The following UNC79 variants were observed in gnomAD, a reference collection of about 807,000 sequenced individuals.
UNC79 encodes the protein protein unc-79 homolog.
In UNC79, 37 loss-of-function variants were observed where a neutral mutation model predicts 283.1. That is an observed-to-expected ratio of 0.13 (90% CI 0.10 to 0.17). The LOEUF (loss-of-function observed/expected upper bound fraction) is 0.17, where lower values mean the gene tolerates loss of function less well. Among genes scored for constraint, UNC79 ranks in the 10% least tolerant of loss-of-function variants. The pLI is 1.00. For synonymous variants in UNC79, 1,107 were observed against 1,200.2 expected (o/e 0.92, Z 1.61); for missense variants, 2,272 against 3,211.1 (o/e 0.71, Z 7.07).
rs570204052 is a variant in UNC79, at chr14:93,618,327, A to G, written c.4360A>G (p.Ile1454Val). The G allele has an allele frequency of 2.5e-6, 4 of 1,613,478 alleles. No individual in the cohort carries two copies. In the South Asian group the frequency reaches 4.4e-5, roughly 18 times the overall value. ...ACCTTTGTACAGTGACAACAGTAAC[A>G]TAAGCAGATACAGCGAAAAAGAAAA... Residue 1454 changes from isoleucine to valine, a missense_variant, in exon 29 of 49, where the codon ATA becomes GTA. Physicochemically the swap from Ile to Val is conservative, Grantham distance 29. Coordinates refer to ENST00000555664, the Ensembl canonical transcript of UNC79.
chr14:93,511,676 A>C (rs754691217), intron 7 of UNC79, among the ~76,000 whole-genome samples: 2 of 152,022 alleles, frequency 1.3e-5, no homozygotes, highest in Non-Finnish European at 2.9e-5. Flanking sequence ...CGATCCCTTG[A>C]CCTCGTGATC....
chr14:93,368,545 G>A (rs1489758984), intron 1 of UNC79, among the ~76,000 whole-genome samples: 1 of 151,878 alleles, frequency 6.6e-6, no homozygotes. Context: ...TGATCTTGAC[G>A]CACTGCAACC....
intron 2 of UNC79, 126 bp from the exon 3 acceptor site, chr14:93,473,963 C>A: frequency 8.8e-7 from 1 of 1,137,570 alleles, no homozygotes; most frequent in Non-Finnish European, 1.2e-6. Flanking sequence ...ACCCTGCTGG[C>A]GTGGCAATTG....
intron 3 of UNC79, among the ~76,000 whole-genome samples, chr14:93,476,128 G>A (rs781478947): frequency 7.2e-5 from 11 of 152,146 alleles, no homozygotes; most frequent in African/African-American, 1.2e-4. Flanking sequence ...CTGAGGATCT[G>A]AATTTTTAGC....
intron 1 of UNC79, among the ~76,000 whole-genome samples, chr14:93,442,046 ATT>A: frequency 1.3e-5 from 2 of 152,212 alleles, no homozygotes; most frequent in South Asian, 4.1e-4. Context: ...AGTATTTTAA[ATT>A]TGTCACATCA....
At chr14:93,384,551 G>A (rs904267173) in intron 1 of UNC79, among the ~76,000 whole-genome samples, 27 of 152,160 alleles carry the variant, frequency 1.8e-4, no homozygotes, top group Non-Finnish European at 3.7e-4. Flanking sequence ...TGGATTATTA[G>A]ATGTTTTTCC....
chr14:93,405,401 T>C (rs773466371), intron 1 of UNC79, among the ~76,000 whole-genome samples: 4 of 151,878 alleles, frequency 2.6e-5, no homozygotes, highest in Non-Finnish European at 5.9e-5. Context: ...CTGACAGAAT[T>C]ACAAGGAGAA....
At chr14:93,678,012 G>T (rs1461229231) in intron 41 of UNC79, among the ~76,000 whole-genome samples, 1 of 152,062 alleles carries the variant, frequency 6.6e-6, no homozygotes, top group Non-Finnish European at 1.5e-5. Flanking sequence ...GGGTCCTCCA[G>T]GTGTTCTCTG....
At chr14:93,574,849 A>G (rs1286135633) in intron 16 of UNC79, among the ~76,000 whole-genome samples, 1 of 150,258 alleles carries the variant, frequency 6.7e-6, no homozygotes, top group Non-Finnish European at 1.5e-5. Context: ...GACCTATTGG[A>G]TGCTGGGGGT....
chr14:93,676,313 G>A (rs1163466557), intron 41 of UNC79, among the ~76,000 whole-genome samples: 2 of 152,116 alleles, frequency 1.3e-5, no homozygotes, highest in East Asian at 1.9e-4. Context: ...ACTCATCTTC[G>A]CCTCTCAAGG....
chr14:93,693,836 T>G (rs1298322458), intron 46 of UNC79, among the ~76,000 whole-genome samples: 1 of 152,184 alleles, frequency 6.6e-6, no homozygotes, highest in African/African-American at 2.4e-5. Context: ...ATTGTCTGAC[T>G]TTGTATCTGG....
At chr14:93,603,383 C>A in exon 26 of UNC79, 1 of 1,614,120 alleles carries the variant, frequency 6.2e-7, no homozygotes, top group Non-Finnish European at 8.5e-7. Context: ...TCCAAGAGGG[C>A]GCTCTCCCTC....
At chr14:93,394,209 T>C (rs1032803652) in intron 1 of UNC79, among the ~76,000 whole-genome samples, 1 of 152,142 alleles carries the variant, frequency 6.6e-6, no homozygotes, top group East Asian at 1.9e-4. Context: ...CCCACTGATG[T>C]TTCACACACA....
intron 1 of UNC79, among the ~76,000 whole-genome samples, chr14:93,404,131 T>C (rs1002630139): frequency 1.3e-5 from 2 of 152,096 alleles, no homozygotes; most frequent in Non-Finnish European, 2.9e-5. Context: ...AATTAGCTGT[T>C]GACCAAGAGA....
At chr14:93,525,290 C>T (rs555406914) in intron 8 of UNC79, among the ~76,000 whole-genome samples, 1 of 151,870 alleles carries the variant, frequency 6.6e-6, no homozygotes, top group South Asian at 2.1e-4. Flanking sequence ...ACTAAAAGTA[C>T]AATAAAAAAT....
intron 47 of UNC79, among the ~76,000 whole-genome samples, chr14:93,697,528 T>C (rs1228959253): frequency 6.6e-6 from 1 of 152,200 alleles, no homozygotes; most frequent in Non-Finnish European, 1.5e-5. Context: ...CTAAATTCAT[T>C]CATCTTTTTC....
intron 1 of UNC79, among the ~76,000 whole-genome samples, chr14:93,349,265 A>G (rs2139907651): frequency 6.6e-6 from 1 of 152,338 alleles, no homozygotes; most frequent in East Asian, 1.9e-4. Flanking sequence ...AGATATACCA[A>G]TTGTGAGAAA....
At chr14:93,563,422 C>G (rs2062682540) in intron 14 of UNC79, among the ~76,000 whole-genome samples, 1 of 152,112 alleles carries the variant, frequency 6.6e-6, no homozygotes, top group Non-Finnish European at 1.5e-5. Context: ...AGTGAGGAAA[C>G]CTTTCTCAGC....
At chr14:93,390,389 T>G (rs566544197) in intron 1 of UNC79, among the ~76,000 whole-genome samples, 90 of 152,280 alleles carry the variant, frequency 5.9e-4, no homozygotes, top group African/African-American at 2.1e-3. Flanking sequence ...TTTGAAAGCT[T>G]TATCTTTGGA....
Sources: allele counts gnomAD v4.1 joint callset (sites outside exome capture counted in the v4.1 genomes callset), GRCh38; gene constraint gnomAD v4.1.1; transcripts MANE v1.5; gene names NCBI Gene and HGNC (gene_info 2026-07-23, HGNC 2026-07-21).